The following CBLB variants were observed in gnomAD, a reference collection of about 807,000 sequenced individuals.
CBLB encodes the protein E3 ubiquitin-protein ligase CBL-B.
CBLB carries 31 observed loss-of-function variants against 104.9 expected under a neutral mutation model. That is an observed-to-expected ratio of 0.30 (90% CI 0.22 to 0.40). The LOEUF is 0.40. Among genes scored for constraint, CBLB ranks in the 10% least tolerant of loss-of-function variants. The pLI is 1.00. For missense variants in CBLB, 1,062 were observed against 1,214.6 expected, an observed-to-expected ratio of 0.87 and a Z score of 1.87; for synonymous variants, 440 against 422.6, an observed-to-expected ratio of 1.04 and a Z score of -0.51.
chr3:105,751,228 G>A (rs1248383693), intron 5 of CBLB, among the ~76,000 whole-genome samples: 1 of 152,188 alleles, frequency 6.6e-6, no homozygotes. Context: ...CTAACAAGCA[G>A]CCACCAGGCT....
intron 5 of CBLB, among the ~76,000 whole-genome samples, chr3:105,747,389 T>C (rs1345170575): frequency 6.6e-6 from 1 of 152,210 alleles, no homozygotes; most frequent in East Asian, 1.9e-4. Flanking sequence ...GTTAAGCAAG[T>C]TACAAATTTA....
intron 2 of CBLB, among the ~76,000 whole-genome samples, chr3:105,857,822 G>C (rs1429507281): frequency 1.3e-5 from 2 of 152,196 alleles, no homozygotes; most frequent in African/African-American, 2.4e-5. Context: ...TGCCTAGTGG[G>C]AAAGACTGGT....
In CBLB at chr3:105,803,182, C is replaced by T. The variant is rs138424449; in HGVS notation, c.420-26640G>A. 2.2e-3 allele frequency among the ~76,000 whole-genome samples: 339 copies of T among 152,222 alleles called. 2 individuals carry two copies. Among genetic ancestry groups the T allele is most frequent in the African/African-American group, 7.9e-3 (327 of 41,522 alleles). On this transcript the variant is annotated intron_variant, in intron 3 of 18. Transcript: ENST00000394030. ...TTTGCTGGTTGTGATTATTGTAATA[C>T]GTAATTTTTAGTTGTGATAATTACC...
chr3:105,776,464 G>A lies in CBLB; in HGVS notation c.498C>T (p.Phe166=). ...EIKAIFPNGQ[F]QGDNFRITKA... is the part of the protein sequence containing the mutation. ...TTGTGATACGAAAGTTATCTCCCTGGAATTGACCATTGGGAAAGATTGCTT... is the reference window on the plus strand; with the variant it reads ...TTGTGATACGAAAGTTATCTCCCTGAAATTGACCATTGGGAAAGATTGCTT... Residue 166 remains phenylalanine (F), a synonymous_variant, in exon 4 of 19, where the codon TTC becomes TTT. Transcript: ENST00000394030. 1.2e-6 allele frequency: 2 copies of A among 1,613,550 alleles called. No homozygotes were observed. The highest frequency in any genetic ancestry group is 1.7e-6 in the Non-Finnish European group (2 of 1,179,666).
Position 105,755,257 on chromosome 3 carries a change from C to T in CBLB, c.567-3639G>A, listed in dbSNP as rs539600296. Among the ~76,000 whole-genome samples, 173 of 152,020 alleles carry T rather than the reference C, an allele frequency of 1.1e-3. 1 individual carries two copies. The highest frequency in any genetic ancestry group is 3.8e-3 in the African/African-American group (158 of 41,470). ...TGTGATCTCATTGTTCAATTCCCAC[C>T]TATGAGTGAGAATATGCGGTGGAAA... On this transcript the variant is annotated intron_variant, in intron 4 of 18. Transcript: ENST00000394030.
chr3:105,694,378 T>C (rs1021493208), intron 12 of CBLB, among the ~76,000 whole-genome samples: 3 of 151,966 alleles, frequency 2.0e-5, no homozygotes, highest in African/African-American at 2.4e-5. Flanking sequence ...TGCAGAAACA[T>C]ATTCACAAGA....
intron 3 of CBLB, among the ~76,000 whole-genome samples, chr3:105,833,221 T>C (rs1459715861): frequency 2.6e-5 from 4 of 152,222 alleles, no homozygotes; most frequent in Non-Finnish European, 5.9e-5. Context: ...GCAGTTTCCA[T>C]TCATTCTGAT....
intron 9 of CBLB, among the ~76,000 whole-genome samples, chr3:105,723,806 T>C (rs906185507): frequency 1.3e-5 from 2 of 152,116 alleles, no homozygotes; most frequent in African/African-American, 2.4e-5. Flanking sequence ...GCATTATATA[T>C]AGTATAAATT....
intron 3 of CBLB, 151 bp from the exon 4 acceptor site, chr3:105,776,693 C>T: frequency 1.5e-6 from 1 of 658,384 alleles, no homozygotes; most frequent in South Asian, 2.1e-5. Context: ...TTAATGCTGC[C>T]CTTAAAAAAA....
chr3:105,677,974 G>T (rs574390285), intron 17 of CBLB, among the ~76,000 whole-genome samples: 1 of 151,888 alleles, frequency 6.6e-6, no homozygotes, highest in African/African-American at 2.4e-5. Context: ...CTCTATTCTT[G>T]TTATAACAAC....
intron 3 of CBLB, among the ~76,000 whole-genome samples, chr3:105,810,611 A>G (rs1448595386): frequency 1.3e-5 from 2 of 152,162 alleles, no homozygotes; most frequent in Non-Finnish European, 2.9e-5. Context: ...TTTATGTCCA[A>G]TGATAGATAA....
intron 3 of CBLB, among the ~76,000 whole-genome samples, chr3:105,811,410 G>C (rs2084276263): frequency 6.6e-6 from 1 of 152,116 alleles, no homozygotes; most frequent in African/African-American, 2.4e-5. Context: ...TCATGGCCTG[G>C]TGGCTTTGAG....
rs1263951211 is a variant in CBLB, at chr3:105,853,568, A to G, written c.265T>C (p.Leu89=). ...PDTYQHLRLI[L]SKYDDNQKLA... ...TTCTGGTTGTCATCATATTTACTCA[A>G]TATAAGTCGTAAATGCTGATATGTA... The change falls in exon 3 of 19, where the codon TTG becomes CTG. Residue 89 remains leucine (L), a synonymous_variant. Transcript: ENST00000394030. The G allele has an allele frequency of 1.2e-6, 2 of 1,612,508 alleles. No individual in the cohort carries two copies. The highest frequency in any genetic ancestry group is 1.1e-5 in the South Asian group (1 of 91,060).
At chr3:105,846,167 T>G (rs908673294) in intron 3 of CBLB, among the ~76,000 whole-genome samples, 28 of 152,182 alleles carry the variant, frequency 1.8e-4, no homozygotes, top group Non-Finnish European at 4.0e-4. Flanking sequence ...AAGAAATTAG[T>G]TGCCTATTTT....
At chr3:105,802,930 G>C (rs1016392332) in intron 3 of CBLB, among the ~76,000 whole-genome samples, 13 of 152,170 alleles carry the variant, frequency 8.5e-5, no homozygotes, top group Admixed American at 2.6e-4. Flanking sequence ...CATTACACCA[G>C]TGTAATTTAA....
intron 3 of CBLB, among the ~76,000 whole-genome samples, chr3:105,811,677 A>G (rs2084318012): frequency 6.6e-6 from 1 of 152,182 alleles, no homozygotes; most frequent in African/African-American, 2.4e-5. Context: ...GTATTCCATC[A>G]AGTTCTGTAA....
chr3:105,665,691 C>T (rs2064364527), intron 18 of CBLB, among the ~76,000 whole-genome samples: 1 of 147,804 alleles, frequency 6.8e-6, no homozygotes, highest in Non-Finnish European at 1.5e-5. Context: ...TACTGCATAA[C>T]TATATAAATA....
At chr3:105,832,465 A>C (rs147153502) in intron 3 of CBLB, among the ~76,000 whole-genome samples, 99 of 152,346 alleles carry the variant, frequency 6.5e-4, no homozygotes, top group African/African-American at 2.3e-3. Flanking sequence ...ATCAGCAGGC[A>C]AAAGAATGAT....
intron 4 of CBLB, among the ~76,000 whole-genome samples, chr3:105,767,911 C>T (rs747622192): frequency 9.2e-5 from 14 of 152,206 alleles, no homozygotes; most frequent in Non-Finnish European, 1.8e-4. Flanking sequence ...GATAATCTGG[C>T]TGCAGAGCCT....
Sources: gnomAD v4.1 joint callset for allele counts (sites outside exome capture counted in the v4.1 genomes callset) on GRCh38, gnomAD v4.1.1 for gene constraint, MANE v1.5 for transcripts, NCBI Gene and HGNC (gene_info 2026-07-23, HGNC 2026-07-21) for gene names.